Variants in GRID2 observed in about 807,000 individuals in gnomAD.
The protein encoded by GRID2 is glutamate receptor ionotropic, delta-2.
Under a neutral mutation model 114.8 loss-of-function variants are expected in GRID2, and 33 were observed. The ratio of observed to expected loss-of-function variants is 0.29; its 90% CI spans 0.22 to 0.38. The LOEUF (loss-of-function observed/expected upper bound fraction) is 0.38. GRID2 is among the 10% of genes least tolerant of loss of function. GRID2 has a pLI of 1.00. For missense variants in GRID2, 1,184 were observed against 1,257.7 expected (o/e 0.94, Z 0.89); for synonymous variants, 505 against 449.9 (o/e 1.12, Z -1.55).
chr4:93,597,435 T>A (rs1351165906), intron 13 of GRID2, among the ~76,000 whole-genome samples: 2 of 152,186 alleles, frequency 1.3e-5, no homozygotes, highest in Non-Finnish European at 2.9e-5. Flanking sequence ...GCAAGAGACT[T>A]ACCAGCTTCT....
At chr4:93,394,677 T>G (rs1349797670) in intron 8 of GRID2, among the ~76,000 whole-genome samples, 1 of 152,002 alleles carries the variant, frequency 6.6e-6, no homozygotes. Context: ...GTTACATTTT[T>G]AAGTGTGCAC....
intron 1 of GRID2, among the ~76,000 whole-genome samples, chr4:92,398,229 C>T (rs536849416): frequency 1.3e-5 from 2 of 152,138 alleles, no homozygotes; most frequent in South Asian, 4.2e-4. Flanking sequence ...TATACTTTAA[C>T]AGGAATAAAA....
chr4:92,917,114 T>C (rs1288004452), intron 2 of GRID2, among the ~76,000 whole-genome samples: 1 of 152,244 alleles, frequency 6.6e-6, no homozygotes, highest in East Asian at 1.9e-4. Flanking sequence ...TGACCAGTGA[T>C]GATGAGCATT....
chr4:93,591,950 T>G (rs1440654681), intron 13 of GRID2, among the ~76,000 whole-genome samples: 1 of 152,130 alleles, frequency 6.6e-6, no homozygotes, highest in African/African-American at 2.4e-5. Flanking sequence ...TTTCTCTTTT[T>G]TTCTTTATTA....
At chr4:92,905,858 C>A (rs1230205237) in intron 2 of GRID2, among the ~76,000 whole-genome samples, 1 of 150,020 alleles carries the variant, frequency 6.7e-6, no homozygotes, top group African/African-American at 2.5e-5. Context: ...AAACTGTGAG[C>A]AAGACACTTT....
chr4:93,018,406 C>G (rs1000314866), intron 2 of GRID2, among the ~76,000 whole-genome samples: 4 of 152,080 alleles, frequency 2.6e-5, no homozygotes, highest in Non-Finnish European at 5.9e-5. Flanking sequence ...CTAATATCAG[C>G]TTGTTTGGCT....
chr4:92,749,310 C>CTTTTTTTTT (rs68069370), intron 2 of GRID2, among the ~76,000 whole-genome samples: 54 of 72,026 alleles, frequency 7.5e-4, no homozygotes, highest in African/African-American at 2.5e-3. Flanking sequence ...TGATTTGTAG[C>CTTTTTTTTT]TTTTTTTTTT....
chr4:92,390,200 A>G (rs1730172977), intron 1 of GRID2, among the ~76,000 whole-genome samples: 1 of 152,182 alleles, frequency 6.6e-6, no homozygotes, highest in Non-Finnish European at 1.5e-5. Flanking sequence ...CTATATGCAC[A>G]CCTGGGGCTA....
chr4:92,608,002 T>A (rs890119449), intron 2 of GRID2, among the ~76,000 whole-genome samples: 2 of 151,498 alleles, frequency 1.3e-5, no homozygotes, highest in Non-Finnish European at 2.9e-5. Flanking sequence ...AAGGAAAAAA[T>A]TAATGAAAGG....
intron 2 of GRID2, among the ~76,000 whole-genome samples, chr4:92,709,572 G>GAAAAAA (rs767320278): frequency 1.2e-4 from 12 of 101,042 alleles, no homozygotes; most frequent in Non-Finnish European, 2.0e-4. Context: ...ATAGTGTAGA[G>GAAAAAA]AAAAAAAAAA....
At chr4:93,644,773 A>G (rs1721955984) in intron 14 of GRID2, among the ~76,000 whole-genome samples, 8 of 152,186 alleles carry the variant, frequency 5.3e-5, no homozygotes, top group Admixed American at 5.2e-4. Flanking sequence ...TGGGTCTCAG[A>G]GGCTGTAAAT....
intron 4 of GRID2, among the ~76,000 whole-genome samples, chr4:93,205,635 T>TA (rs567653504): frequency 1.4e-3 from 209 of 152,292 alleles, no homozygotes; most frequent in African/African-American, 4.5e-3. Flanking sequence ...CATGTGTCTT[T>TA]ATAGCAGCAT....
intron 1 of GRID2, among the ~76,000 whole-genome samples, chr4:92,330,438 C>A (rs1726823937): frequency 6.6e-6 from 1 of 152,164 alleles, no homozygotes; most frequent in South Asian, 2.1e-4. Flanking sequence ...GGAATGTCCA[C>A]AAGGCACAGA....
intron 14 of GRID2, among the ~76,000 whole-genome samples, chr4:93,716,898 T>C (rs1457514720): frequency 6.6e-6 from 1 of 152,236 alleles, no homozygotes; most frequent in Admixed American, 6.5e-5. Flanking sequence ...CAAATTTTTT[T>C]CTTTAGATCA....
chr4:93,282,989 A>G (rs1752802149), intron 8 of GRID2, among the ~76,000 whole-genome samples: 1 of 152,038 alleles, frequency 6.6e-6, no homozygotes, highest in South Asian at 2.1e-4. Flanking sequence ...GCACCAAGCC[A>G]TTCAGGAAGG....
intron 1 of GRID2, among the ~76,000 whole-genome samples, chr4:92,465,541 A>T (rs1721713202): frequency 1.3e-5 from 2 of 152,204 alleles, no homozygotes; most frequent in Admixed American, 1.3e-4. Flanking sequence ...AACTAGTAGA[A>T]TTGTAGATGA....
intron 2 of GRID2, among the ~76,000 whole-genome samples, chr4:92,761,045 A>T (rs193227722): frequency 6.6e-6 from 1 of 152,002 alleles, no homozygotes; most frequent in Non-Finnish European, 1.5e-5. Context: ...CATGTGTTTG[A>T]TTTACTGCCT....
At chr4:92,778,385 A>C (rs1553926515) in intron 2 of GRID2, among the ~76,000 whole-genome samples, 2 of 151,996 alleles carry the variant, frequency 1.3e-5, no homozygotes, top group Non-Finnish European at 2.9e-5. Context: ...AATTTGTATG[A>C]TTTTGCCTAG....
intron 1 of GRID2, among the ~76,000 whole-genome samples, chr4:92,543,284 CA>C (rs764835638): frequency 2.6e-5 from 4 of 152,102 alleles, no homozygotes; most frequent in Admixed American, 6.6e-5. Flanking sequence ...CCCAAGGTCA[CA>C]CTGCTAATAA....
Sources: gnomAD v4.1 joint callset for allele counts (sites outside exome capture counted in the v4.1 genomes callset) on GRCh38, gnomAD v4.1.1 for gene constraint, MANE v1.5 for transcripts, NCBI Gene and HGNC (gene_info 2026-07-23, HGNC 2026-07-21) for gene names.